Variants in PSKH2 observed in about 807,000 individuals in gnomAD.
The protein encoded by PSKH2 is protein serine kinase H2.
Under a neutral mutation model 22.5 loss-of-function variants are expected in PSKH2, and 16 were observed. The ratio of observed to expected loss-of-function variants is 0.71; its 90% CI spans 0.48 to 1.08. The LOEUF is 1.08. PSKH2 is among the 50% of genes least tolerant of loss of function. The pLI is 0.00. For synonymous variants in PSKH2, 188 were observed against 184.8 expected (o/e 1.02, Z -0.14); for missense variants, 516 against 492.8 (o/e 1.05, Z -0.44).
intron 2 of PSKH2, among the ~76,000 whole-genome samples, chr8:86,054,949 T>C (rs961347946): frequency 6.6e-6 from 1 of 152,064 alleles, no homozygotes; most frequent in African/African-American, 2.4e-5. Flanking sequence ...TTCCATTTTC[T>C]CCAAAGAAAA....
intron 1 of PSKH2, among the ~76,000 whole-genome samples, chr8:86,065,005 G>A (rs990676873): frequency 1.3e-5 from 2 of 152,100 alleles, no homozygotes; most frequent in African/African-American, 4.8e-5. Context: ...GAGTTATCAA[G>A]GGCACCCAGA....
At chr8:86,053,670 C>T (rs546486652) in intron 2 of PSKH2, among the ~76,000 whole-genome samples, 4 of 152,104 alleles carry the variant, frequency 2.6e-5, no homozygotes, top group Admixed American at 1.3e-4. Flanking sequence ...TAAAGAATGA[C>T]TAATATTCCT....
intron 2 of PSKH2, among the ~76,000 whole-genome samples, chr8:86,057,969 C>G (rs1817725826): frequency 6.6e-6 from 1 of 152,172 alleles, no homozygotes; most frequent in South Asian, 2.1e-4. Context: ...CACGAGGCTC[C>G]TAAGAGCAGA....
intron 2 of PSKH2, among the ~76,000 whole-genome samples, chr8:86,049,869 AGGAG>A (rs936704287): frequency 8.9e-5 from 12 of 135,194 alleles, no homozygotes; most frequent in African/African-American, 2.6e-4. Context: ...AAAGAAGGAA[AGGAG>A]GGAGGGAGGG....
At chr8:86,061,553 C>G (rs780292789) in intron 2 of PSKH2, among the ~76,000 whole-genome samples, 1 of 152,108 alleles carries the variant, frequency 6.6e-6, no homozygotes, top group Non-Finnish European at 1.5e-5. Flanking sequence ...GGACTGGCAA[C>G]TTCCATACCT....
chr8:86,069,882 G>A (rs1326326022), upstream of PSKH2, among the ~76,000 whole-genome samples: 1 of 152,114 alleles, frequency 6.6e-6, no homozygotes, highest in African/African-American at 2.4e-5. Context: ...GCGCCTAATT[G>A]TCTGGGCTTC....
intron 2 of PSKH2, among the ~76,000 whole-genome samples, chr8:86,058,755 C>A (rs1268981450): frequency 6.6e-6 from 1 of 152,054 alleles, no homozygotes; most frequent in Non-Finnish European, 1.5e-5. Context: ...TATTTCACAA[C>A]AAAATCCAAA....
chr8:86,065,798 C>A (rs976436836), intron 1 of PSKH2, among the ~76,000 whole-genome samples: 2 of 151,944 alleles, frequency 1.3e-5, no homozygotes, highest in Non-Finnish European at 2.9e-5. Context: ...AAAACTGAGA[C>A]CCCTTCTCTA....
chr8:86,048,689 C>A lies in PSKH2; in HGVS notation c.931G>T (p.Ala311Ser), dbSNP rs1425332086. ...LILEAGHRMS[A>S]GQALDHPWVI... is the part of the protein sequence containing the mutation. ...CAGGGATGGTCCAGGGCCTGGCCAG[C>A]TGACATGCGATGACCAGCCTCCAAA... Residue 311 changes from alanine (A) to serine (S), a missense_variant, in exon 3 of 3, where the codon GCT becomes TCT. Transcript: ENST00000276616. 6.2e-7 allele frequency: 1 copy of A among 1,614,096 alleles called. No individual in the cohort carries two copies. The highest frequency in any genetic ancestry group is 8.5e-7 in the Non-Finnish European group (1 of 1,180,002).
At position 86,048,517 on chromosome 8, in the gene PSKH2, A is replaced by C. The variant is rs1474741471; in HGVS notation, c.1103T>G (p.Met368Arg). 1 of 1,614,050 alleles carries C rather than the reference A, an allele frequency of 6.2e-7. No individual in the cohort carries two copies. Among genetic ancestry groups the C allele is most frequent in the East Asian group, 2.2e-5 (1 of 44,896 alleles). Residue 368 changes from methionine to arginine, a missense_variant, in exon 3 of 3, where the codon ATG (methionine) becomes AGG (arginine). Coordinates refer to ENST00000276616, the MANE Select transcript of PSKH2 (RefSeq NM_033126.3). ...KSHYSHKSRH[M>R]WSKRNLRIVE... The stretch of plus-strand genomic sequence containing the variant: ...TATCCTTAAGTTTCTCTTGCTCCAC[A>C]TATGCCTGGATTTGTGAGAATAATG...
chr8:86,068,317 T>C (rs1321439788), intron 1 of PSKH2, among the ~76,000 whole-genome samples: 1 of 152,196 alleles, frequency 6.6e-6, no homozygotes, highest in Non-Finnish European at 1.5e-5. Flanking sequence ...CACCCATTAT[T>C]GTGTCTCCCC....
At chr8:86,057,008 C>T (rs1267591189) in intron 2 of PSKH2, among the ~76,000 whole-genome samples, 1 of 150,936 alleles carries the variant, frequency 6.6e-6, no homozygotes, top group Admixed American at 6.6e-5. Flanking sequence ...GTGATCATAG[C>T]TCGCTGCAGC....
At chr8:86,066,853 TC>T (rs1323471846) in intron 1 of PSKH2, among the ~76,000 whole-genome samples, 2 of 152,216 alleles carry the variant, frequency 1.3e-5, no homozygotes, top group Non-Finnish European at 2.9e-5. Flanking sequence ...ATAGATTCTT[TC>T]CCCTTTTCCC....
chr8:86,069,530 G>A lies in PSKH2; in HGVS notation c.93C>T (p.Gly31=). ...CCGCCGCCTCGGGCCCAGGCCCCGC[G>A]CCTCCGACGCCGGCTTGGTTTTGAC... is the stretch of plus-strand genomic sequence containing the variant. ...HEGQNQAGVG[G]AGPGPEAAAQ... The change falls in exon 1 of 3, where the codon GGC becomes GGT. Residue 31 remains glycine (G), a synonymous_variant. Transcript: ENST00000276616. 6.2e-7 allele frequency: 1 copy of A among 1,608,922 alleles called. No homozygotes were observed. The highest frequency in any genetic ancestry group is 8.5e-7 in the Non-Finnish European group (1 of 1,178,446).
intron 1 of PSKH2, among the ~76,000 whole-genome samples, chr8:86,069,161 A>G (rs926832608): frequency 1.3e-5 from 2 of 152,118 alleles, no homozygotes; most frequent in African/African-American, 4.8e-5. Flanking sequence ...TATGGAAGTT[A>G]GGCTCCTGCC....
intron 2 of PSKH2, among the ~76,000 whole-genome samples, chr8:86,059,517 T>A (rs79826875): frequency 0.17 from 25,748 of 152,026 alleles, 2,460 homozygotes; most frequent in East Asian, 0.31. Flanking sequence ...TCATGACCCC[T>A]CTCTCCATCT....
intron 2 of PSKH2, among the ~76,000 whole-genome samples, chr8:86,051,930 T>C (rs1817636254): frequency 6.6e-6 from 1 of 152,210 alleles, no homozygotes; most frequent in African/African-American, 2.4e-5. Flanking sequence ...GGAGAGTATC[T>C]AGGAGTCAAT....
intron 2 of PSKH2, among the ~76,000 whole-genome samples, chr8:86,057,606 C>T (rs1014556263): frequency 1.3e-5 from 2 of 152,032 alleles, no homozygotes; most frequent in Non-Finnish European, 2.9e-5. Context: ...AGGATGGTCT[C>T]GATCTCTTGG....
At chr8:86,062,771 G>C (rs1817798090) in intron 2 of PSKH2, among the ~76,000 whole-genome samples, 1 of 152,250 alleles carries the variant, frequency 6.6e-6, no homozygotes, top group East Asian at 1.9e-4. Context: ...ACAGTAGTGT[G>C]AAAATGGACT....
Sources: gnomAD v4.1 joint callset for allele counts (sites outside exome capture counted in the v4.1 genomes callset) on GRCh38, gnomAD v4.1.1 for gene constraint, MANE v1.5 for transcripts, NCBI Gene and HGNC (gene_info 2026-07-23, HGNC 2026-07-21) for gene names.